The following SIPA1L1 variants were observed in gnomAD, a reference collection of about 807,000 sequenced individuals.
SIPA1L1 encodes the protein signal-induced proliferation-associated 1-like protein 1.
A neutral mutation model predicts 162.7 loss-of-function variants in SIPA1L1; 26 were observed. The ratio of observed to expected loss-of-function variants is 0.16; its 90% confidence interval spans 0.12 to 0.22. The LOEUF (loss-of-function observed/expected upper bound fraction) is 0.22, where lower values mean the gene tolerates loss of function less well. Among genes scored for constraint, SIPA1L1 ranks in the 10% least tolerant of loss-of-function variants. The pLI, the probability that SIPA1L1 is intolerant of heterozygous loss-of-function variation, is 1.00. For synonymous variants in SIPA1L1, 829 were observed against 837.4 expected (o/e 0.99, Z 0.17); for missense variants, 1,874 against 2,241.0 (o/e 0.84, Z 3.31).
In SIPA1L1 at chr14:71,618,853, C is replaced by T. The variant is rs774427838; in HGVS notation, c.1595C>T (p.Pro532Leu). Residue 532 changes from proline to leucine, a missense_variant, in exon 6 of 24, where the codon CCG (proline) becomes CTG (leucine). Pro to Leu is a moderately conservative substitution (Grantham distance 98). Transcript: ENST00000381232. ...GATGAAATGAAAGAAAATGGATCTC[C>T]GTACAACTACCGAATAATTTTTAGA... ...KPDEMKENGS[P>L]YNYRIIFRTS... 3.7e-6 allele frequency: 6 copies of T among 1,613,582 alleles called. No homozygotes were observed. The highest frequency in any genetic ancestry group is 2.2e-5 in the East Asian group (1 of 44,854).
intron 4 of SIPA1L1, among the ~76,000 whole-genome samples, chr14:71,567,979 A>G (rs2031089575): frequency 6.6e-6 from 1 of 152,230 alleles, no homozygotes; most frequent in African/African-American, 2.4e-5. Flanking sequence ...ATGCTAATGT[A>G]TTATAATTAG....
At chr14:71,530,029 T>A (rs988684036) in intron 4 of SIPA1L1, among the ~76,000 whole-genome samples, 1 of 152,232 alleles carries the variant, frequency 6.6e-6, no homozygotes, top group Non-Finnish European at 1.5e-5. Context: ...AAACCAGCCC[T>A]GAAGCTTGCC....
intron 5 of SIPA1L1, among the ~76,000 whole-genome samples, chr14:71,602,233 T>G (rs980864146): frequency 2.0e-5 from 3 of 152,176 alleles, no homozygotes; most frequent in African/African-American, 7.2e-5. Context: ...TTTTGCCATA[T>G]CCCATCGGTT....
At chr14:71,650,550 CCTGTTGTG>C (rs757813279) in intron 8 of SIPA1L1, 41 bp downstream of exon 8, 3 of 1,587,590 alleles carry the variant, frequency 1.9e-6, no homozygotes, top group South Asian at 1.1e-5. Flanking sequence ...TTATTTTCCC[CCTGTTGTG>C]CTGTTGTGCA....
chr14:71,390,797 G>A (rs2040683453), intron 2 of SIPA1L1, among the ~76,000 whole-genome samples: 1 of 151,748 alleles, frequency 6.6e-6, no homozygotes, highest in Non-Finnish European at 1.5e-5. Context: ...AAAAACAAAA[G>A]CAAAAACAAA....
chr14:71,587,902 A>G lies in SIPA1L1; in HGVS notation c.30A>G (p.Glu10=). 1 of 1,611,232 alleles carries G rather than the reference A, an allele frequency of 6.2e-7. No homozygotes were observed. The part of the protein sequence containing the change: MTSLKRSQT[E]RPLATDRASV... ...CCAGCTTGAAACGGTCACAGACAGA[A>G]AGGCCTCTTGCCACTGACAGGGCCT... The change falls in exon 5 of 24, where the codon GAA becomes GAG. Residue 10 remains glutamate, a synonymous_variant. Coordinates refer to ENST00000381232, the MANE Select transcript of SIPA1L1 (RefSeq NM_001386936.1).
At chr14:71,452,169 C>G (rs1188394737) in intron 2 of SIPA1L1, among the ~76,000 whole-genome samples, 4 of 151,566 alleles carry the variant, frequency 2.6e-5, no homozygotes, top group African/African-American at 4.9e-5. Flanking sequence ...ACAGGAAACC[C>G]CCCCCTCATG....
rs181985213 is a variant in SIPA1L1, at chr14:71,466,184, G to A, written c.-464-46559G>A. On this transcript the variant is annotated intron_variant, in intron 2 of 23. Transcript: ENST00000381232. Reference sequence around the variant, plus strand: ...GTACTTTAGGGGTGTTTTGAGCAGGGCAGAAAGAAGCTAATGCTACCACCA... The same window carrying A: ...GTACTTTAGGGGTGTTTTGAGCAGGACAGAAAGAAGCTAATGCTACCACCA... Among the ~76,000 whole-genome samples, 4 of 152,048 alleles carry A rather than the reference G, an allele frequency of 2.6e-5. No homozygotes were observed. The East Asian group carries it at 5.8e-4, about 22-fold the overall frequency.
At chr14:71,490,970 T>C (rs1458743017) in intron 2 of SIPA1L1, among the ~76,000 whole-genome samples, 4 of 152,240 alleles carry the variant, frequency 2.6e-5, no homozygotes, top group Non-Finnish European at 4.4e-5. Flanking sequence ...CTTATTTAAC[T>C]TAGTAGCAAT....
At chr14:71,416,704 A>T (rs995501629) in intron 2 of SIPA1L1, among the ~76,000 whole-genome samples, 1 of 136,038 alleles carries the variant, frequency 7.4e-6, no homozygotes, top group African/African-American at 2.7e-5. Context: ...TCTATACTCT[A>T]AAAGAAAGAA....
At chr14:71,404,886 G>T (rs2041932182) in intron 2 of SIPA1L1, among the ~76,000 whole-genome samples, 1 of 152,182 alleles carries the variant, frequency 6.6e-6, no homozygotes, top group Admixed American at 6.5e-5. Context: ...CTTGTGCAGT[G>T]TCATGCTGCT....
At chr14:71,624,578 G>A (rs753115323) in intron 7 of SIPA1L1, among the ~76,000 whole-genome samples, 30 of 152,154 alleles carry the variant, frequency 2.0e-4, no homozygotes, top group Non-Finnish European at 4.0e-4. Context: ...AGTAATAACA[G>A]TAATTAATAA....
At chr14:71,702,558 T>A in intron 15 of SIPA1L1, 53 bp downstream of exon 15, 1 of 1,544,998 alleles carries the variant, frequency 6.5e-7, no homozygotes, top group East Asian at 2.3e-5. Context: ...GTGACTTAGG[T>A]CACCTCTTGA....
intron 2 of SIPA1L1, among the ~76,000 whole-genome samples, chr14:71,482,994 C>A (rs1472522519): frequency 6.6e-6 from 1 of 152,124 alleles, no homozygotes; most frequent in Admixed American, 6.5e-5. Flanking sequence ...TTCTTTTTTA[C>A]GAACAATTTC....
At chr14:71,533,515 G>T (rs1460724310) in intron 4 of SIPA1L1, among the ~76,000 whole-genome samples, 1 of 152,186 alleles carries the variant, frequency 6.6e-6, no homozygotes, top group Non-Finnish European at 1.5e-5. Context: ...TTATTTTCAT[G>T]TTGGAATATA....
chr14:71,453,608 A>G (rs2045971966), intron 2 of SIPA1L1, among the ~76,000 whole-genome samples: 1 of 152,232 alleles, frequency 6.6e-6, no homozygotes, highest in African/African-American at 2.4e-5. Flanking sequence ...TAAGAATCAT[A>G]ATACTGGAGT....
intron 2 of SIPA1L1, among the ~76,000 whole-genome samples, chr14:71,505,557 A>G (rs140528207): frequency 0.017 from 2,637 of 151,908 alleles, 70 homozygotes; most frequent in African/African-American, 0.06. Flanking sequence ...CCATAAATGT[A>G]TCACTCCAAT....
chr14:71,593,274 C>T (rs778615603), intron 5 of SIPA1L1, among the ~76,000 whole-genome samples: 4 of 152,062 alleles, frequency 2.6e-5, no homozygotes, highest in East Asian at 1.9e-4. Flanking sequence ...TTCAGTGGCA[C>T]GATCTCCGCT....
chr14:71,525,339 C>T (rs2052757001), intron 3 of SIPA1L1, among the ~76,000 whole-genome samples: 1 of 152,152 alleles, frequency 6.6e-6, no homozygotes, highest in South Asian at 2.1e-4. Context: ...CCTGCCACCA[C>T]ACCCGGCTAA....
Sources: allele counts gnomAD v4.1 joint callset (sites outside exome capture counted in the v4.1 genomes callset), GRCh38; gene constraint gnomAD v4.1.1; transcripts MANE v1.5; gene names NCBI Gene and HGNC (gene_info 2026-07-23, HGNC 2026-07-21).